TMX4: variants seen among roughly 807,000 people sequenced by gnomAD.
TMX4 encodes the protein thioredoxin-related transmembrane protein 4.
A neutral mutation model predicts 33.3 loss-of-function variants in TMX4; 23 were observed. The ratio of observed to expected loss-of-function variants is 0.69; its 90% CI spans 0.50 to 0.98. The LOEUF (loss-of-function observed/expected upper bound fraction) is 0.98, where lower values mean the gene tolerates loss of function less well. Ranked by LOEUF, TMX4 falls within the 50% of genes least tolerant of loss-of-function variation. The probability of loss-of-function intolerance (pLI) is 0.00; values close to 1 mark genes in which losing one functional copy is unlikely to be tolerated. For synonymous variants in TMX4, 164 were observed against 161.5 expected (o/e 1.02, Z -0.12); for missense variants, 399 against 448.9 (o/e 0.89, Z 1.01).
intron 1 of TMX4, among the ~76,000 whole-genome samples, chr20:8,016,380 TAATAAC>T (rs892803951): frequency 4.6e-5 from 7 of 151,982 alleles, no homozygotes; most frequent in African/African-American, 1.7e-4. Context: ...TAAAAAATAA[TAATAAC>T]AACAATAAGC....
At chr20:7,990,919 A>G (rs2050651667) in intron 5 of TMX4, among the ~76,000 whole-genome samples, 1 of 152,240 alleles carries the variant, frequency 6.6e-6, no homozygotes, top group African/African-American at 2.4e-5. Context: ...TATGAAAGGT[A>G]CCTTACAGAT....
rs151242222 is a variant in TMX4, at chr20:8,003,323, G to A, written c.293-1782C>T. Among the ~76,000 whole-genome samples, 407 of 152,082 alleles carry A rather than the reference G, an allele frequency of 2.7e-3. 3 individuals are homozygous for A. The highest frequency in any genetic ancestry group is 9.2e-3 in the African/African-American group (380 of 41,512). On this transcript the variant is annotated intron_variant, in intron 2 of 7. Coordinates refer to ENST00000246024, the MANE Select transcript of TMX4 (RefSeq NM_021156.4). The stretch of plus-strand genomic sequence containing the variant: ...TAAAATGGAATGAAGAAATTAAATA[G>A]TATCTCATCACCTCTTAAAGTTTTT...
At chr20:7,995,634 G>T (rs2050672968) in intron 5 of TMX4, among the ~76,000 whole-genome samples, 1 of 152,122 alleles carries the variant, frequency 6.6e-6, no homozygotes, top group African/African-American at 2.4e-5. Flanking sequence ...TACAAAAACA[G>T]GTAGCCCATC....
At chr20:8,013,329 A>G (rs928743808) in intron 1 of TMX4, among the ~76,000 whole-genome samples, 37 of 152,186 alleles carry the variant, frequency 2.4e-4, no homozygotes, top group Non-Finnish European at 5.3e-4. Flanking sequence ...CTCCAAGAGC[A>G]ATTAGCTCCA....
At chr20:7,993,861 C>T (rs891950999) in intron 5 of TMX4, among the ~76,000 whole-genome samples, 1 of 152,024 alleles carries the variant, frequency 6.6e-6, no homozygotes, top group African/African-American at 2.4e-5. Context: ...TTCCATTCCC[C>T]TACATACACA....
chr20:8,010,185 CA>C lies in TMX4; in HGVS notation c.292+14del. ...TCGGTAAACTTTTGCATTTTATGTG[CA>C]ACATTCACAGTACCTGGTTCTTGAA... is the stretch of plus-strand genomic sequence containing the variant. On this transcript the variant is annotated intron_variant, in intron 2 of 7. Transcript: ENST00000246024. 1 of 1,572,714 alleles carries C rather than the reference CA, an allele frequency of 6.4e-7. No homozygotes were observed. The highest frequency in any genetic ancestry group is 8.7e-7 in the Non-Finnish European group (1 of 1,155,366).
intron 1 of TMX4, chr20:8,019,103 C>A (rs2050798131): frequency 1.5e-5 from 7 of 482,066 alleles, no homozygotes. Flanking sequence ...GGGAAGCTGC[C>A]CACTCCACCC....
rs974135555 is a variant in TMX4, at chr20:8,019,676, C to G, written c.-63G>C. On this transcript the variant is annotated 5_prime_UTR_variant, in exon 1 of 8. Coordinates refer to ENST00000246024, the MANE Select transcript of TMX4 (RefSeq NM_021156.4). ...GGGAAGGGCAGCGGCCGGCCCGCAG[C>G]CTCGCTCGCCCGCCGGGTTTTTCAA... The G allele has an allele frequency of 8.0e-7, 1 of 1,251,116 alleles. No homozygotes were observed. Among genetic ancestry groups the G allele is most frequent in the African/African-American group, 1.6e-5 (1 of 63,712 alleles). The allele number at this position is 1,251,116 out of a possible 1,614,324, so 77.5% of individuals were successfully genotyped here.
chr20:7,985,929 C>G (rs191702201), intron 6 of TMX4, among the ~76,000 whole-genome samples: 1 of 152,160 alleles, frequency 6.6e-6, no homozygotes, highest in African/African-American at 2.4e-5. Context: ...TATTCTAAAA[C>G]TCTAAGCATT....
At chr20:8,003,481 G>A (rs193029582) in intron 2 of TMX4, among the ~76,000 whole-genome samples, 1 of 152,138 alleles carries the variant, frequency 6.6e-6, no homozygotes, top group East Asian at 1.9e-4. Context: ...AAATAAAGAA[G>A]TAAATAAATA....
intron 7 of TMX4, among the ~76,000 whole-genome samples, chr20:7,983,554 A>C (rs775424421): frequency 1.3e-5 from 2 of 152,250 alleles, no homozygotes; most frequent in African/African-American, 2.4e-5. Context: ...GACACTGATT[A>C]ATGAAGAGCA....
intron 3 of TMX4, 104 bp from the exon 4 acceptor site, chr20:7,999,964 A>T: frequency 8.1e-7 from 1 of 1,232,226 alleles, no homozygotes; most frequent in Middle Eastern, 2.1e-4. Context: ...ACGCCATCTG[A>T]ACTTTAAATT....
chr20:8,014,237 G>A (rs775101686), intron 1 of TMX4, among the ~76,000 whole-genome samples: 32 of 152,314 alleles, frequency 2.1e-4, no homozygotes, highest in Admixed American at 5.2e-4. Context: ...AACACTCCAC[G>A]AAAGCAGTGA....
Position 7,999,815 on chromosome 20 carries a change from G to C in TMX4, c.384C>G (p.Phe128Leu), listed in dbSNP as rs756824619. 1 of 1,613,632 alleles carries C rather than the reference G, an allele frequency of 6.2e-7. No homozygotes were observed. Among genetic ancestry groups the C allele is most frequent in the Non-Finnish European group, 8.5e-7 (1 of 1,179,822 alleles). The change falls in exon 4 of 8, where the codon TTC becomes TTG. Residue 128 changes from phenylalanine to leucine, a missense_variant. Physicochemically the swap from Phe to Leu is conservative, Grantham distance 22. Coordinates refer to ENST00000246024, the MANE Select transcript of TMX4 (RefSeq NM_021156.4). ...CTAAGATATAATTCTGCAGGTCTTCGAAGATTCCTGGGCCACGATAACGGC... is the reference window on the plus strand; with the variant it reads ...CTAAGATATAATTCTGCAGGTCTTCCAAGATTCCTGGGCCACGATAACGGC... ...IFRRYRGPGI[F>L]EDLQNYILEK...
In TMX4 at chr20:7,981,046, T is replaced by G. The variant is rs1181915738; in HGVS notation, c.*1205A>C. On this transcript the variant is annotated 3_prime_UTR_variant, in exon 8 of 8. Coordinates refer to ENST00000246024, the MANE Select transcript of TMX4 (RefSeq NM_021156.4). ...ATAAATCAGGTAAGAGAGAAGTAGA[T>G]GGATAGATTTTTTTTTTTTAAGGAA... 1 of 146,964 alleles carries G rather than the reference T, an allele frequency of 6.8e-6. No individual in the cohort carries two copies. The highest frequency in any genetic ancestry group is 2.6e-5 in the African/African-American group (1 of 38,088). 9.1% of individuals were successfully genotyped at this position (146,964 alleles called of 1,614,324 possible).
At chr20:8,000,900 GAAGGCAGGC>G (rs1052179558) in intron 3 of TMX4, among the ~76,000 whole-genome samples, 1 of 152,114 alleles carries the variant, frequency 6.6e-6, no homozygotes, top group African/African-American at 2.4e-5. Flanking sequence ...TCCTAATCAT[GAAGGCAGGC>G]AATAGCTTTT....
rs545402461 is a variant in TMX4 at position 8,019,363 on chromosome 20, C to T, written c.176+75G>A. On this transcript the variant is annotated intron_variant, in intron 1 of 7. Transcript: ENST00000246024. ...AGCCCAAGCGGCAATGCGGGATCGC[C>T]ACCGGGCCGCGCGGGCTTGGGAGGG... 1.2e-4 allele frequency: 173 copies of T among 1,461,460 alleles called. 1 individual carries two copies. The African/African-American group carries it at 2.3e-3, about 19-fold the overall frequency. The allele number at this position is 1,461,460 out of a possible 1,614,324, so 90.5% of individuals were successfully genotyped here. A position where few individuals can be genotyped will look rare whatever the true frequency, so the allele number is the denominator to read the frequency against.
intron 2 of TMX4, among the ~76,000 whole-genome samples, chr20:8,009,913 A>C (rs1306295016): frequency 6.6e-6 from 1 of 151,632 alleles, no homozygotes; most frequent in Non-Finnish European, 1.5e-5. Context: ...GAAGCCTTTA[A>C]CGTGCTAAAG....
rs2122844650 is a variant in TMX4 at position 7,978,615 on chromosome 20, G to C, written c.*3636C>G. 1 of 152,222 alleles carries C rather than the reference G, an allele frequency of 6.6e-6. No individual in the cohort carries two copies. The highest frequency in any genetic ancestry group is 3.4e-3 in the Middle Eastern group (1 of 294). 9.4% of individuals were successfully genotyped at this position (152,222 alleles called of 1,614,324 possible). On this transcript the variant is annotated 3_prime_UTR_variant, in exon 8 of 8. Coordinates refer to ENST00000246024, the MANE Select transcript of TMX4 (RefSeq NM_021156.4). ...TGAAGCTTATCTATTTTCTACTACAGTAGTTATTTTGAATGTATAGAGCTA... is the reference window on the plus strand; with the variant it reads ...TGAAGCTTATCTATTTTCTACTACACTAGTTATTTTGAATGTATAGAGCTA...
Sources: gnomAD v4.1 joint callset for allele counts (sites outside exome capture counted in the v4.1 genomes callset) on GRCh38, gnomAD v4.1.1 for gene constraint, MANE v1.5 for transcripts, NCBI Gene and HGNC (gene_info 2026-07-23, HGNC 2026-07-21) for gene names.